Variants in DNM3 observed in about 807,000 individuals in gnomAD.
DNM3 encodes dynamin-3.
In DNM3, 47 loss-of-function variants were observed where a neutral mutation model predicts 101.6. The ratio of observed to expected loss-of-function variants is 0.46; its 90% confidence interval spans 0.37 to 0.59. The LOEUF (loss-of-function observed/expected upper bound fraction) is 0.59, where lower values mean the gene tolerates loss of function less well. Among genes scored for constraint, DNM3 ranks in the 20% least tolerant of loss-of-function variants. The probability of loss-of-function intolerance (pLI) is 0.00; values close to 1 mark genes in which losing one functional copy is unlikely to be tolerated. For synonymous variants in DNM3, 385 were observed against 387.9 expected, an observed-to-expected ratio of 0.99 and a Z score of 0.09; for missense variants, 849 against 1,085.7, an observed-to-expected ratio of 0.78 and a Z score of 3.06.
chr1:171,891,896 C>T (rs1317355046), intron 1 of DNM3, among the ~76,000 whole-genome samples: 8 of 152,132 alleles, frequency 5.3e-5, no homozygotes, highest in Non-Finnish European at 8.8e-5. Flanking sequence ...TGTGCATAAC[C>T]CACACTTAAG....
intron 10 of DNM3, among the ~76,000 whole-genome samples, chr1:172,062,087 CA>C (rs994372366): frequency 6.6e-5 from 10 of 152,292 alleles, no homozygotes; most frequent in African/African-American, 2.2e-4. Flanking sequence ...TTTCATCTTA[CA>C]ACTCATTAAA....
At chr1:172,322,822 C>CTT (rs112152513) in intron 16 of DNM3, among the ~76,000 whole-genome samples, 9 of 145,402 alleles carry the variant, frequency 6.2e-5, no homozygotes, top group African/African-American at 2.0e-4. Context: ...TCTTTTCCTT[C>CTT]TTTTTTTTTT....
chr1:172,018,168 A>T (rs997800731), intron 4 of DNM3, among the ~76,000 whole-genome samples: 1 of 152,152 alleles, frequency 6.6e-6, no homozygotes, highest in Middle Eastern at 3.4e-3. Flanking sequence ...TCTGTCTTTT[A>T]ATTGGTGCAT....
intron 16 of DNM3, among the ~76,000 whole-genome samples, chr1:172,320,230 TGTGGG>T (rs1331753683): frequency 7.5e-6 from 1 of 133,648 alleles, no homozygotes; most frequent in Non-Finnish European, 1.6e-5. Flanking sequence ...TGGGGACTGT[TGTGGG>T]GTGGGGGGAT....
At chr1:172,126,211 G>A (rs1033865175) in intron 13 of DNM3, among the ~76,000 whole-genome samples, 1 of 152,184 alleles carries the variant, frequency 6.6e-6, no homozygotes, top group Admixed American at 6.5e-5. Flanking sequence ...GTAAAAGAAA[G>A]GGCTGGGATT....
Position 172,180,989 on chromosome 1 carries a change from C to T in DNM3, c.1659+49701C>T, listed in dbSNP as rs536442939. Reference sequence around the variant, plus strand: ...TTCTTTTGTTGTCAACTGGCAAGTACGGAGCACTTACCAAGTGCCGCCACT... The same window carrying T: ...TTCTTTTGTTGTCAACTGGCAAGTATGGAGCACTTACCAAGTGCCGCCACT... On this transcript the variant is annotated intron_variant, in intron 14 of 20. Coordinates refer to ENST00000627582, the MANE Select transcript of DNM3 (RefSeq NM_015569.5). Among the ~76,000 whole-genome samples the T allele has an allele frequency of 8.5e-5, 13 of 152,164 alleles. No individual in the cohort carries two copies. The East Asian group carries it at 2.1e-3, about 25-fold the overall frequency.
intron 2 of DNM3, chr1:171,987,235 A>G: frequency 6.7e-6 from 6 of 899,312 alleles, no homozygotes; most frequent in Non-Finnish European, 8.0e-6. Context: ...TTCTGAAGAT[A>G]TATTTATATA....
chr1:172,181,222 A>G (rs1303411775), intron 14 of DNM3, among the ~76,000 whole-genome samples: 1 of 152,100 alleles, frequency 6.6e-6, no homozygotes, highest in African/African-American at 2.4e-5. Context: ...AGGTGATTTT[A>G]ATTGTTAGTA....
chr1:172,192,478 A>T (rs1411395475), intron 14 of DNM3, among the ~76,000 whole-genome samples: 2 of 147,966 alleles, frequency 1.4e-5, no homozygotes, highest in South Asian at 2.2e-4. Context: ...TGCACCCACT[A>T]ACTTGTCATC....
At chr1:172,404,574 TTAAG>T (rs1303967811) in intron 20 of DNM3, among the ~76,000 whole-genome samples, 1 of 152,144 alleles carries the variant, frequency 6.6e-6, no homozygotes, top group African/African-American at 2.4e-5. Flanking sequence ...ATAAGAGTAC[TTAAG>T]TCTTTCTATT....
At chr1:172,005,247 A>G (rs2046609771) in intron 4 of DNM3, among the ~76,000 whole-genome samples, 1 of 152,114 alleles carries the variant, frequency 6.6e-6, no homozygotes, top group Non-Finnish European at 1.5e-5. Context: ...ATGTCTGCAA[A>G]GTACTTAGTA....
chr1:172,327,801 G>A (rs193269372), intron 17 of DNM3, among the ~76,000 whole-genome samples: 1,734 of 152,190 alleles, frequency 0.011, 20 homozygotes, highest in African/African-American at 0.017. Flanking sequence ...AAGAAAGGAT[G>A]AAAATTCCCT....
chr1:171,873,950 A>G (rs966913344), intron 1 of DNM3, among the ~76,000 whole-genome samples: 3 of 152,054 alleles, frequency 2.0e-5, no homozygotes, highest in African/African-American at 4.8e-5. Flanking sequence ...AGTGGTTTCT[A>G]TTTTTCTTCT....
intron 15 of DNM3, among the ~76,000 whole-genome samples, chr1:172,281,777 C>T (rs2063499775): frequency 6.6e-6 from 1 of 151,882 alleles, no homozygotes; most frequent in Non-Finnish European, 1.5e-5. Flanking sequence ...GTTTCTTTCT[C>T]ACTGAGATAA....
In DNM3 at chr1:172,337,890, T is replaced by TA. The variant is rs1335895186; in HGVS notation, c.1893+14551dup. Among the ~76,000 whole-genome samples, 217 of 139,040 alleles carry TA rather than the reference T, an allele frequency of 1.6e-3. 1 individual carries two copies. Among genetic ancestry groups the TA allele is most frequent in the African/African-American group, 5.8e-3 (210 of 36,518 alleles). 91.2% of individuals were successfully genotyped at this position (139,040 alleles called of 152,430 possible). On this transcript the variant is annotated intron_variant, in intron 17 of 20. Coordinates refer to ENST00000627582, the MANE Select transcript of DNM3 (RefSeq NM_015569.5). Reference sequence around the variant, plus strand: ...ATTTTTATTTTATTTTATTTTATTTTATTTTATTTTATTTTATTTTATTTT... The same window carrying TA: ...ATTTTTATTTTATTTTATTTTATTTTAATTTTATTTTATTTTATTTTATTTT...
chr1:172,206,176 T>G (rs2060316245), intron 14 of DNM3, among the ~76,000 whole-genome samples: 1 of 152,136 alleles, frequency 6.6e-6, no homozygotes, highest in Non-Finnish European at 1.5e-5. Flanking sequence ...TTACAGGCTG[T>G]AATTTTAGGA....
rs2071156208 is a variant in DNM3, at chr1:172,410,691, G to C, written c.*2850G>C. ...GTTTTATAACATAGACGAGCAGTAG[G>C]GTCTGTTTATTAGCAAATTTCCTAT... On this transcript the variant is annotated 3_prime_UTR_variant, in exon 21 of 21. Coordinates refer to ENST00000627582, the MANE Select transcript of DNM3 (RefSeq NM_015569.5). 3.0e-6 allele frequency: 3 copies of C among 985,038 alleles called. No individual in the cohort carries two copies. Among genetic ancestry groups the C allele is most frequent in the South Asian group, 4.7e-5 (1 of 21,278 alleles). 61.0% of individuals were successfully genotyped at this position (985,038 alleles called of 1,614,324 possible). A position where few individuals can be genotyped will look rare whatever the true frequency, so the allele number is the denominator to read the frequency against.
chr1:171,844,433 G>T (rs2031758917), intron 1 of DNM3, among the ~76,000 whole-genome samples: 2 of 152,098 alleles, frequency 1.3e-5, no homozygotes, highest in Non-Finnish European at 2.9e-5. Context: ...AAATAATGAT[G>T]CATTTTCTCA....
intron 15 of DNM3, among the ~76,000 whole-genome samples, chr1:172,271,617 A>C (rs886417359): frequency 8.5e-5 from 13 of 152,098 alleles, no homozygotes; most frequent in Non-Finnish European, 1.9e-4. Context: ...AAAATTGTGG[A>C]TCTTCTTCTT....
Sources: allele counts gnomAD v4.1 joint callset (sites outside exome capture counted in the v4.1 genomes callset), GRCh38; gene constraint gnomAD v4.1.1; transcripts MANE v1.5; gene names NCBI Gene and HGNC (gene_info 2026-07-23, HGNC 2026-07-21).